Variants in JMJD1C observed in about 807,000 individuals in gnomAD.
JMJD1C encodes jumonji domain-containing protein 1C.
A neutral mutation model predicts 245.3 loss-of-function variants in JMJD1C; 31 were observed. That is an observed-to-expected ratio of 0.13 (90% CI 0.09 to 0.17). The LOEUF is 0.17. Ranked by LOEUF, JMJD1C falls within the 10% of genes least tolerant of loss-of-function variation. JMJD1C has a pLI of 1.00. For synonymous variants in JMJD1C, 1,057 were observed against 1,017.4 expected, an observed-to-expected ratio of 1.04 and a Z score of -0.74; for missense variants, 2,691 against 3,000.2, an observed-to-expected ratio of 0.90 and a Z score of 2.41.
chr10:63,337,624 A>G (rs200971856), intron 2 of JMJD1C, among the ~76,000 whole-genome samples: 739 of 60,016 alleles, frequency 0.012, 45 homozygotes, highest in South Asian at 0.032. Flanking sequence ...AAAAGAAAAG[A>G]AAAAGAAAAG....
At position 63,209,069 on chromosome 10, in the gene JMJD1C, T is replaced by C. The variant is rs770143068; in HGVS notation, c.2861A>G (p.His954Arg). The C allele has an allele frequency of 5.0e-6, 8 of 1,611,966 alleles. No individual in the cohort carries two copies. In the African/African-American group the frequency reaches 6.7e-5, roughly 13 times the overall value. Residue 954 changes from histidine (H) to arginine (R), a missense_variant, in exon 9 of 26, where the codon CAT becomes CGT. By Grantham distance (29) the His-to-Arg change is conservative. Coordinates refer to ENST00000399262, the MANE Select transcript of JMJD1C (RefSeq NM_032776.3). ...TAAGCACTGGTGAACTTACTCCTTA[T>C]GATGATCTACTAAAGTTTTTGTCAA... ...PPLTKTLVDH[H>R]KEELERKAFM...
Position 63,222,395 on chromosome 10 carries a change from T to C in JMJD1C, c.448-2412A>G, listed in dbSNP as rs878949774. On this transcript the variant is annotated intron_variant, in intron 3 of 25. Transcript: ENST00000399262. ...TACAGCTGGATGTCATCCTACAAGA[T>C]GTGGTAAATTTGAAAAGAATAACCC... is the stretch of plus-strand genomic sequence containing the variant. 21 of 962,194 alleles carry C rather than the reference T, an allele frequency of 2.2e-5. No individual in the cohort carries two copies. In the South Asian group the frequency reaches 2.6e-4, roughly 12 times the overall value. The allele number at this position is 962,194 out of a possible 1,614,324, so 59.6% of individuals were successfully genotyped here.
chr10:63,203,079 CT>C (rs765223149), intron 10 of JMJD1C: 3 of 984,674 alleles, frequency 3.0e-6, no homozygotes, highest in Non-Finnish European at 3.6e-6. Flanking sequence ...GCATTTAGAG[CT>C]TTTTTTCAAT....
rs2133185788 is a variant in JMJD1C, at chr10:63,481,065, A to G, written n.113+40673T>C. 2.6e-5 allele frequency among the ~76,000 whole-genome samples: 4 copies of G among 152,360 alleles called. 1 individual carries two copies. The South Asian group carries it at 8.3e-4, about 32-fold the overall frequency. Reference sequence around the variant, plus strand: ...TTGACATTATAAAATTAGGCTAATCATATCATAGACTGAATCCTCAAATGT... The same window carrying G: ...TTGACATTATAAAATTAGGCTAATCGTATCATAGACTGAATCCTCAAATGT... On this transcript the variant is annotated intron_variant and non_coding_transcript_variant, in intron 1 of 3. Transcript: ENST00000633035.
At chr10:63,508,462 G>C (rs989439618) in intron 1 of JMJD1C, among the ~76,000 whole-genome samples, 1 of 152,026 alleles carries the variant, frequency 6.6e-6, no homozygotes, top group African/African-American at 2.4e-5. Context: ...TGACTGTTCT[G>C]GATCTTCTGC....
chr10:63,468,638 A>C (rs1325636701), upstream of JMJD1C, among the ~76,000 whole-genome samples: 1 of 152,372 alleles, frequency 6.6e-6, no homozygotes, highest in African/African-American at 2.4e-5. Flanking sequence ...ATAGAAGCTG[A>C]AAATTAGACA....
At chr10:63,226,204 T>C (rs868868841) in intron 3 of JMJD1C, among the ~76,000 whole-genome samples, 9 of 152,288 alleles carry the variant, frequency 5.9e-5, no homozygotes, top group Middle Eastern at 6.8e-3. Context: ...ATTCCACATA[T>C]AGAAATAGTC....
At chr10:63,510,007 CTTT>C (rs35352946) in intron 1 of JMJD1C, among the ~76,000 whole-genome samples, 2 of 142,786 alleles carry the variant, frequency 1.4e-5, no homozygotes. Context: ...GATTTTAGAT[CTTT>C]TTTTTTTTTT....
intron 1 of JMJD1C, among the ~76,000 whole-genome samples, chr10:63,462,108 A>T (rs1397430896): frequency 3.9e-5 from 6 of 152,198 alleles, no homozygotes; most frequent in Non-Finnish European, 8.8e-5. Context: ...AAAGGTTCAC[A>T]ATGTGCTGTA....
At position 63,305,048 on chromosome 10, in the gene JMJD1C, A is replaced by C. The variant is rs529642280; in HGVS notation, c.334-40284T>G. On this transcript the variant is annotated intron_variant, in intron 2 of 25. Coordinates refer to ENST00000399262, the MANE Select transcript of JMJD1C (RefSeq NM_032776.3). The stretch of plus-strand genomic sequence containing the variant: ...CAGTGACTCGGGAGGCTGAGGTGGG[A>C]GGACTCCTTGAGCCCAGGAGTTAAA... Among the ~76,000 whole-genome samples the C allele has an allele frequency of 2.0e-5, 3 of 152,198 alleles. No homozygotes were observed. The South Asian group carries it at 6.2e-4, about 32-fold the overall frequency.
intron 3 of JMJD1C, among the ~76,000 whole-genome samples, chr10:63,234,460 C>T (rs989735295): frequency 7.0e-5 from 9 of 128,340 alleles, no homozygotes; most frequent in African/African-American, 2.7e-4. Context: ...CACCACTGCA[C>T]TCCAGCCTCA....
intron 1 of JMJD1C, among the ~76,000 whole-genome samples, chr10:63,486,995 A>C (rs1687006651): frequency 6.6e-6 from 1 of 152,242 alleles, no homozygotes; most frequent in Admixed American, 6.5e-5. Context: ...TAAATGCTGA[A>C]GCCAGAACTC....
intron 2 of JMJD1C, among the ~76,000 whole-genome samples, chr10:63,291,875 G>GC (rs1246968797): frequency 1.3e-5 from 2 of 152,074 alleles, no homozygotes; most frequent in Non-Finnish European, 2.9e-5. Context: ...TTCTTTGGGT[G>GC]GGGGAGGTTG....
chr10:63,428,029 A>C, intron 1 of JMJD1C: 1 of 611,600 alleles, frequency 1.6e-6, no homozygotes, highest in Non-Finnish European at 3.0e-6. Context: ...TTTATCATTA[A>C]AAATCAATTT....
intron 1 of JMJD1C, among the ~76,000 whole-genome samples, chr10:63,504,751 T>C (rs374102921): frequency 1.3e-4 from 20 of 151,936 alleles, no homozygotes; most frequent in African/African-American, 4.1e-4. Context: ...ATAATAGAAA[T>C]AGGGGGCCAG....
intron 1 of JMJD1C, among the ~76,000 whole-genome samples, chr10:63,452,881 TAGAG>T (rs879431708): frequency 6.6e-6 from 1 of 152,326 alleles, no homozygotes; most frequent in Non-Finnish European, 1.5e-5. Context: ...AGACATTAGA[TAGAG>T]AGTTTCTGTT....
intron 16 of JMJD1C, among the ~76,000 whole-genome samples, chr10:63,191,973 G>C (rs1386423003): frequency 6.0e-5 from 6 of 100,020 alleles, no homozygotes; most frequent in Admixed American, 2.9e-4. Context: ...AACAGAGTGA[G>C]ACTCTGTCTC....
chr10:63,409,259 T>C (rs935282184), intron 1 of JMJD1C, among the ~76,000 whole-genome samples: 1 of 152,172 alleles, frequency 6.6e-6, no homozygotes, highest in African/African-American at 2.4e-5. Context: ...CAGAAAATTC[T>C]GGGAGGGATG....
At chr10:63,191,213 C>T in intron 16 of JMJD1C, 105 bp from the exon 17 acceptor site, 1 of 770,822 alleles carries the variant, frequency 1.3e-6, no homozygotes, top group South Asian at 1.6e-5. Context: ...CTCACTGCAA[C>T]CTCTGCCTCC....
Sources: allele counts gnomAD v4.1 joint callset (sites outside exome capture counted in the v4.1 genomes callset), GRCh38; gene constraint gnomAD v4.1.1; transcripts MANE v1.5; gene names NCBI Gene and HGNC (gene_info 2026-07-23, HGNC 2026-07-21).